ROBO1: variants seen among roughly 807,000 people sequenced by gnomAD.
ROBO1 encodes the protein roundabout homolog 1.
Under a neutral mutation model 195.9 loss-of-function variants are expected in ROBO1, and 149 were observed. The ratio of observed to expected loss-of-function variants is 0.76; its 90% CI spans 0.67 to 0.87. ROBO1 has a LOEUF of 0.87. Among genes scored for constraint, ROBO1 ranks in the 40% least tolerant of loss-of-function variants. The pLI is 0.00. For missense variants in ROBO1, 1,933 were observed against 2,068.3 expected, an observed-to-expected ratio of 0.93 and a Z score of 1.27; for synonymous variants, 816 against 733.2, an observed-to-expected ratio of 1.11 and a Z score of -1.82.
chr3:78,661,316 G>A lies in ROBO1; in HGVS notation c.2089-55C>T, dbSNP rs1575865712. On this transcript the variant is annotated intron_variant, in intron 15 of 30. Transcript: ENST00000464233. Reference sequence around the variant, plus strand: ...TTCATATTATTGTATTGGTTCATCAGAAAATAATAAAAATTAAACGTTATA... The same window carrying A: ...TTCATATTATTGTATTGGTTCATCAAAAAATAATAAAAATTAAACGTTATA... 2.7e-6 allele frequency: 3 copies of A among 1,104,808 alleles called. No individual in the cohort carries two copies. In the East Asian group the frequency reaches 8.3e-5, roughly 30 times the overall value. 68.4% of individuals were successfully genotyped at this position (1,104,808 alleles called of 1,614,324 possible).
intron 2 of ROBO1, among the ~76,000 whole-genome samples, chr3:79,284,625 G>A (rs987139288): frequency 6.6e-6 from 1 of 152,030 alleles, no homozygotes; most frequent in African/African-American, 2.4e-5. Context: ...TTCTGAAAAG[G>A]AGCATTGAGA....
intron 4 of ROBO1, among the ~76,000 whole-genome samples, chr3:78,853,790 C>T (rs2034230789): frequency 6.6e-6 from 1 of 151,978 alleles, no homozygotes; most frequent in Non-Finnish European, 1.5e-5. Flanking sequence ...ACTGGAGAGG[C>T]CTCACAATGA....
intron 8 of ROBO1, among the ~76,000 whole-genome samples, chr3:78,710,347 A>G (rs1280368798): frequency 2.0e-5 from 3 of 152,246 alleles, no homozygotes; most frequent in Non-Finnish European, 4.4e-5. Flanking sequence ...AATGCTTTAT[A>G]TTTGAGAAAT....
intron 2 of ROBO1, among the ~76,000 whole-genome samples, chr3:79,166,667 G>A (rs2081072521): frequency 1.3e-5 from 2 of 151,148 alleles, no homozygotes; most frequent in South Asian, 2.1e-4. Context: ...CCGGGTTCGC[G>A]CCATTCTCCT....
intron 3 of ROBO1, among the ~76,000 whole-genome samples, chr3:79,008,541 C>G (rs1179375055): frequency 1.3e-5 from 2 of 151,030 alleles, no homozygotes; most frequent in Non-Finnish European, 2.9e-5. Context: ...AGTATACATA[C>G]AAAGTAACAT....
intron 2 of ROBO1, among the ~76,000 whole-genome samples, chr3:79,301,409 C>T (rs900020466): frequency 6.6e-5 from 10 of 152,130 alleles, no homozygotes; most frequent in Non-Finnish European, 1.2e-4. Flanking sequence ...TTTTACAGAC[C>T]ACCTCCTATG....
chr3:79,673,912 T>C (rs1560089381), intron 1 of ROBO1, among the ~76,000 whole-genome samples: 1 of 151,856 alleles, frequency 6.6e-6, no homozygotes, highest in Non-Finnish European at 1.5e-5. Context: ...CATACAAAAC[T>C]CTCCTCATTT....
At chr3:79,050,922 A>G (rs1486430805) in intron 3 of ROBO1, among the ~76,000 whole-genome samples, 1 of 152,142 alleles carries the variant, frequency 6.6e-6, no homozygotes, top group African/African-American at 2.4e-5. Context: ...GTGTAGAGGG[A>G]AATTTATAGC....
At chr3:79,212,367 A>T (rs1422075523) in intron 2 of ROBO1, among the ~76,000 whole-genome samples, 1 of 152,194 alleles carries the variant, frequency 6.6e-6, no homozygotes, top group African/African-American at 2.4e-5. Flanking sequence ...CATGTTTTTC[A>T]TTTATGCAGA....
intron 2 of ROBO1, among the ~76,000 whole-genome samples, chr3:79,302,526 C>T (rs886248161): frequency 6.6e-6 from 1 of 152,172 alleles, no homozygotes; most frequent in African/African-American, 2.4e-5. Flanking sequence ...GTAGCCCTTT[C>T]AATCAAATTG....
intron 14 of ROBO1, among the ~76,000 whole-genome samples, 158 bp from the exon 15 acceptor site, chr3:78,662,272 C>T (rs1707468121): frequency 1.3e-5 from 2 of 150,794 alleles, no homozygotes; most frequent in African/African-American, 4.9e-5. Context: ...AATAATTTAA[C>T]CTTTTTATTA....
At chr3:79,613,842 A>C (rs533509442) in intron 1 of ROBO1, among the ~76,000 whole-genome samples, 1 of 152,188 alleles carries the variant, frequency 6.6e-6, no homozygotes, top group South Asian at 2.1e-4. Context: ...ATGTGTCATG[A>C]AAACACTAAA....
At chr3:78,799,498 T>C (rs555255904) in intron 4 of ROBO1, among the ~76,000 whole-genome samples, 46 of 151,956 alleles carry the variant, frequency 3.0e-4, no homozygotes, top group South Asian at 4.2e-4. Context: ...CCCACCACCA[T>C]GCCCGGCTAA....
intron 2 of ROBO1, among the ~76,000 whole-genome samples, chr3:79,478,886 G>T (rs558798233): frequency 6.6e-6 from 1 of 152,238 alleles, no homozygotes; most frequent in East Asian, 1.9e-4. Flanking sequence ...AGCAATTCCT[G>T]ACTTGGCAAC....
intron 3 of ROBO1, among the ~76,000 whole-genome samples, chr3:78,980,084 G>A (rs990926550): frequency 1.1e-4 from 17 of 151,964 alleles, no homozygotes; most frequent in East Asian, 5.8e-4. Flanking sequence ...AACATTTGCC[G>A]AGGGACACCA....
At chr3:79,679,444 A>G (rs945734458) in intron 1 of ROBO1, among the ~76,000 whole-genome samples, 3 of 152,068 alleles carry the variant, frequency 2.0e-5, no homozygotes, top group Non-Finnish European at 4.4e-5. Context: ...TTTTTCAAAT[A>G]TGTCAGGGAA....
intron 5 of ROBO1, among the ~76,000 whole-genome samples, chr3:78,719,231 G>C (rs544482149): frequency 6.6e-6 from 1 of 151,982 alleles, no homozygotes; most frequent in Non-Finnish European, 1.5e-5. Context: ...ACGCCTGCAC[G>C]CAGTAGTCAC....
At chr3:79,449,843 G>A (rs900147189) in intron 2 of ROBO1, among the ~76,000 whole-genome samples, 1 of 152,144 alleles carries the variant, frequency 6.6e-6, no homozygotes, top group Non-Finnish European at 1.5e-5. Flanking sequence ...GATGGCCATA[G>A]TGTGTCAGGT....
rs1707382922 is a variant in ROBO1 at position 78,661,241 on chromosome 3, A to G, written c.2109T>C (p.Tyr703=). 6.3e-7 allele frequency: 1 copy of G among 1,583,758 alleles called. No homozygotes were observed. Among genetic ancestry groups the G allele is most frequent in the Non-Finnish European group, 8.6e-7 (1 of 1,162,038 alleles). Residue 703 remains tyrosine (Y), a synonymous_variant, in exon 16 of 31, where the codon TAT becomes TAC. Transcript: ENST00000464233. The part of the protein sequence containing the change: ...VHWTVDQQSQ[Y]IQGYKILYRP... Reference sequence around the variant, plus strand: ...GATAGAGAATTTTATATCCTTGTATATACTGAGACTGTTGATCTACCTATT... The same window carrying G: ...GATAGAGAATTTTATATCCTTGTATGTACTGAGACTGTTGATCTACCTATT...
Sources: gnomAD v4.1 joint callset for allele counts (sites outside exome capture counted in the v4.1 genomes callset) on GRCh38, gnomAD v4.1.1 for gene constraint, MANE v1.5 for transcripts, NCBI Gene and HGNC (gene_info 2026-07-23, HGNC 2026-07-21) for gene names.